DIP2C: variants seen among roughly 807,000 people sequenced by gnomAD.
DIP2C encodes DIP2 acetate--CoA ligase C (putative), also known as disco-interacting protein 2 homolog C.
In DIP2C, 33 loss-of-function variants were observed where a neutral mutation model predicts 192.4. The ratio of observed to expected loss-of-function variants is 0.17; its 90% CI spans 0.13 to 0.23. DIP2C has a LOEUF of 0.23. DIP2C is among the 10% of genes least tolerant of loss of function. DIP2C has a pLI of 1.00. For missense variants in DIP2C, 1,537 were observed against 2,110.1 expected, an observed-to-expected ratio of 0.73 and a Z score of 5.32; for synonymous variants, 979 against 864.1, an observed-to-expected ratio of 1.13 and a Z score of -2.33.
At chr10:647,322 G>A (rs1439299527) in intron 1 of DIP2C, among the ~76,000 whole-genome samples, 6 of 151,616 alleles carry the variant, frequency 4.0e-5, no homozygotes, top group South Asian at 2.1e-4. Context: ...CGGCGGGAGA[G>A]AACAGAGGGA....
intron 10 of DIP2C, among the ~76,000 whole-genome samples, chr10:391,645 CATAAA>C (rs1355852615): frequency 3.9e-5 from 6 of 152,216 alleles, no homozygotes; most frequent in Non-Finnish European, 7.3e-5. Context: ...TTATTTGATT[CATAAA>C]ATAAACTGAA....
At chr10:378,978 A>G (rs1351052729) in intron 17 of DIP2C, among the ~76,000 whole-genome samples, 1 of 152,236 alleles carries the variant, frequency 6.6e-6, no homozygotes, top group Admixed American at 6.5e-5. Context: ...TCATGTTTTT[A>G]AAGACTCTCA....
intron 3 of DIP2C, among the ~76,000 whole-genome samples, chr10:457,747 GCT>G (rs1969418016): frequency 7.0e-6 from 1 of 143,060 alleles, no homozygotes; most frequent in African/African-American, 3.0e-5. Flanking sequence ...GTAGAGATGG[GCT>G]CTGACTTTGT....
At chr10:535,351 T>C (rs970517755) in intron 1 of DIP2C, among the ~76,000 whole-genome samples, 1 of 150,806 alleles carries the variant, frequency 6.6e-6, no homozygotes, top group African/African-American at 2.4e-5. Flanking sequence ...CTAACTCTCA[T>C]CTGACATGCT....
intron 1 of DIP2C, among the ~76,000 whole-genome samples, chr10:606,030 G>C (rs560836024): frequency 6.6e-6 from 1 of 152,330 alleles, no homozygotes; most frequent in South Asian, 2.1e-4. Context: ...CTCCACGCCG[G>C]GGTCCGACTG....
intron 1 of DIP2C, among the ~76,000 whole-genome samples, chr10:492,256 G>A (rs376930818): frequency 6.6e-5 from 10 of 152,196 alleles, no homozygotes; most frequent in Admixed American, 1.3e-4. Context: ...CCCAAACTGC[G>A]TTGGAGGCTT....
intron 1 of DIP2C, among the ~76,000 whole-genome samples, chr10:532,738 T>TGAGAGAGAGTATGGGTGA (rs1564824928): frequency 1.2e-5 from 1 of 86,558 alleles, no homozygotes; most frequent in African/African-American, 3.1e-5. Flanking sequence ...AGTATGGGTG[T>TGAGAGAGAGTATGGGTGA]GAGAGAGAGT....
At chr10:372,078 T>C (rs1241169461) in intron 17 of DIP2C, among the ~76,000 whole-genome samples, 1 of 101,604 alleles carries the variant, frequency 9.8e-6, no homozygotes, top group East Asian at 3.1e-4. Context: ...CCTTTCCTTT[T>C]TTTTTTTTTT....
At chr10:495,394 C>G (rs568063443) in intron 1 of DIP2C, among the ~76,000 whole-genome samples, 2 of 152,264 alleles carry the variant, frequency 1.3e-5, no homozygotes, top group South Asian at 2.1e-4. Context: ...AATGGATCTT[C>G]TGTATTCTCA....
intron 22 of DIP2C, among the ~76,000 whole-genome samples, chr10:359,811 G>C (rs1959229208): frequency 2.6e-5 from 4 of 152,102 alleles, no homozygotes; most frequent in Admixed American, 1.3e-4. Context: ...TTTTGAGACA[G>C]AATCTGACTA....
intron 1 of DIP2C, among the ~76,000 whole-genome samples, chr10:507,145 C>G (rs1845653844): frequency 6.7e-6 from 1 of 149,288 alleles, no homozygotes; most frequent in Admixed American, 6.7e-5. Flanking sequence ...ACTGTGCAGT[C>G]AGAGCCATGC....
intron 2 of DIP2C, among the ~76,000 whole-genome samples, chr10:474,154 A>T (rs1970869422): frequency 6.6e-6 from 1 of 152,192 alleles, no homozygotes; most frequent in Admixed American, 6.5e-5. Context: ...GAGTATTATC[A>T]AGTCTCACAT....
Position 408,845 on chromosome 10 carries a change from C to A in DIP2C, c.1149+81G>T. 4 of 1,406,776 alleles carry A rather than the reference C, an allele frequency of 2.8e-6. No individual in the cohort carries two copies. The South Asian group carries it at 3.8e-5, about 13-fold the overall frequency. The allele number at this position is 1,406,776 out of a possible 1,614,324, so 87.1% of individuals were successfully genotyped here. ...AATAGAAAGTGGAGGTGGCGCTGAA[C>A]TCTGTAATGTTTAAACAGTGGGCAC... is the stretch of plus-strand genomic sequence containing the variant. On this transcript the variant is annotated intron_variant, in intron 9 of 36. Transcript: ENST00000280886.
chr10:309,860 A>G (rs1244229677), intron 32 of DIP2C, among the ~76,000 whole-genome samples, 171 bp downstream of exon 32: 1 of 152,116 alleles, frequency 6.6e-6, no homozygotes, highest in Non-Finnish European at 1.5e-5. Flanking sequence ...CAGAGTTTTC[A>G]ATTGCAAAGT....
At chr10:528,831 T>C (rs537977537) in intron 1 of DIP2C, among the ~76,000 whole-genome samples, 39 of 152,242 alleles carry the variant, frequency 2.6e-4, no homozygotes, top group Admixed American at 2.2e-3. Flanking sequence ...CCATCCTCCG[T>C]GGGGCTGGCG....
At chr10:457,749 TCTGA>T (rs60660843) in intron 3 of DIP2C, among the ~76,000 whole-genome samples, 21,959 of 151,982 alleles carry the variant, frequency 0.14, 3,981 homozygotes, top group African/African-American at 0.43. Context: ...AGAGATGGGC[TCTGA>T]CTTTGTCACC....
In DIP2C at chr10:605,223, T is replaced by C. The variant is rs180966990; in HGVS notation, c.85+84271A>G. ...GAACCTTCTAGATGAAAGCAACGTG[T>C]TCCTTTTAAAATGGGGAACGGGGGC... On this transcript the variant is annotated intron_variant, in intron 1 of 36. Coordinates refer to ENST00000280886, the MANE Select transcript of DIP2C (RefSeq NM_014974.3). Among the ~76,000 whole-genome samples the C allele has an allele frequency of 3.8e-3, 585 of 152,286 alleles. 3 individuals carry two copies. The highest frequency in any genetic ancestry group is 0.013 in the African/African-American group (556 of 41,556).
At chr10:619,524 A>AGGC (rs533671871) in intron 1 of DIP2C, among the ~76,000 whole-genome samples, 1 of 68,148 alleles carries the variant, frequency 1.5e-5, no homozygotes, top group African/African-American at 8.6e-5. Flanking sequence ...CAGGGCCAGG[A>AGGC]CCAAGCCCGC....
In DIP2C at chr10:650,974, C is replaced by T. The variant is rs775569520; in HGVS notation, c.85+38520G>A. On this transcript the variant is annotated intron_variant, in intron 1 of 36. Transcript: ENST00000280886. ...GGCTGTTTCTCTTCCAAAGCCGGCA[C>T]TGCCCTCTCTCCATCTCTCCCGGTG... The T allele has an allele frequency of 5.7e-5, 41 of 717,352 alleles. 1 individual carries two copies. The highest frequency in any genetic ancestry group is 4.6e-4 in the Middle Eastern group (2 of 4,394). The allele number at this position is 717,352 out of a possible 1,614,324, so 44.4% of individuals were successfully genotyped here.
Sources: allele counts gnomAD v4.1 joint callset (sites outside exome capture counted in the v4.1 genomes callset), GRCh38; gene constraint gnomAD v4.1.1; transcripts MANE v1.5; gene names NCBI Gene and HGNC (gene_info 2026-07-23, HGNC 2026-07-21).